The following PTPRG variants were observed in gnomAD, a reference collection of about 807,000 sequenced individuals.
PTPRG encodes the protein receptor-type tyrosine-protein phosphatase gamma.
In PTPRG, 102 loss-of-function variants were observed where a neutral mutation model predicts 165.3. The ratio of observed to expected loss-of-function variants is 0.62; its 90% CI spans 0.53 to 0.73. PTPRG has a LOEUF of 0.73. PTPRG is among the 30% of genes least tolerant of loss of function. PTPRG has a pLI of 0.00. For missense variants in PTPRG, 1,866 were observed against 1,861.4 expected (o/e 1.00, Z -0.05); for synonymous variants, 675 against 669.5 (o/e 1.01, Z -0.13).
rs186803635 is a variant in PTPRG, at chr3:61,786,275, T to C, written c.190+37293T>C. ...TTTAGCTTCTAAAAAATTCATTTTA[T>C]TCTTCTTCTTTGATTATTCCTAGCT... On this transcript the variant is annotated intron_variant, in intron 2 of 29. Transcript: ENST00000474889. Among the ~76,000 whole-genome samples, 323 of 152,328 alleles carry C rather than the reference T, an allele frequency of 2.1e-3. 1 individual carries two copies. The highest frequency in any genetic ancestry group is 7.3e-3 in the African/African-American group (303 of 41,578).
rs532356516 is a variant in PTPRG, at chr3:61,866,582, C to CTTTTTTTTTTTTTTTTTTTTTTTTTTTT, written c.190+117609_190+117636dup. 2.9e-5 allele frequency among the ~76,000 whole-genome samples: 2 copies of CTTTTTTTTTTTTTTTTTTTTTTTTTTTT among 69,068 alleles called. 1 individual carries two copies. Among genetic ancestry groups the CTTTTTTTTTTTTTTTTTTTTTTTTTTTT allele is most frequent in the Non-Finnish European group, 6.0e-5 (2 of 33,142 alleles). The allele number at this position is 69,068 out of a possible 152,430, so 45.3% of individuals were successfully genotyped here. ...TTCCCTGGCTTTGGAACTGTTTGCT[C>CTTTTTTTTTTTTTTTTTTTTTTTTTTTT]TTTTTTTTTTTTTTTTTTTTTTTTT... is the stretch of plus-strand genomic sequence containing the variant. On this transcript the variant is annotated intron_variant, in intron 2 of 29. Coordinates refer to ENST00000474889, the MANE Select transcript of PTPRG (RefSeq NM_002841.4).
intron 14 of PTPRG, among the ~76,000 whole-genome samples, chr3:62,239,677 T>C (rs983986553): frequency 6.6e-6 from 1 of 152,158 alleles, no homozygotes; most frequent in Non-Finnish European, 1.5e-5. Context: ...TGAGAAATTC[T>C]ATCTCCATTC....
intron 1 of PTPRG, among the ~76,000 whole-genome samples, chr3:61,621,045 A>ATG (rs1414471842): frequency 2.6e-5 from 2 of 77,464 alleles, no homozygotes; most frequent in Non-Finnish European, 5.8e-5. Flanking sequence ...ATATATATAT[A>ATG]TATATATGTG....
rs369988162 is a variant in PTPRG, at chr3:61,724,729, T to G, written c.86-24149T>G. Among the ~76,000 whole-genome samples, 9 of 152,246 alleles carry G rather than the reference T, an allele frequency of 5.9e-5. No homozygotes were observed. The East Asian group carries it at 9.6e-4, about 16-fold the overall frequency. On this transcript the variant is annotated intron_variant, in intron 1 of 29. Coordinates refer to ENST00000474889, the MANE Select transcript of PTPRG (RefSeq NM_002841.4). ...ATCTCAGTGTGGTCCCAATTTTCAT[T>G]TTCCTGGTGGCTAATGATACCGAAT... is the stretch of plus-strand genomic sequence containing the variant.
intron 6 of PTPRG, 87 bp downstream of exon 6, chr3:62,132,755 A>T (rs1257135875): frequency 1.7e-6 from 2 of 1,181,222 alleles, no homozygotes; most frequent in Admixed American, 1.7e-5. Flanking sequence ...TGCAGAGGAC[A>T]GAGGGTGACA....
chr3:61,562,428 G>A, intron 1 of PTPRG, 56 bp downstream of exon 1: 3 of 1,566,040 alleles, frequency 1.9e-6, no homozygotes, highest in Non-Finnish European at 2.6e-6. Context: ...TGGGGATGCG[G>A]AGTTGTCGCC....
rs34396141 is a variant in PTPRG, at chr3:61,638,591, GTTTTTTTT to G, written c.85+76239_85+76246del. ...AGGCACACACCACCATGCCTGGCTA[GTTTTTTTT>G]TTTTTTTTTTTTTTTTTTTGGGGTA... On this transcript the variant is annotated intron_variant, in intron 1 of 29. Coordinates refer to ENST00000474889, the MANE Select transcript of PTPRG (RefSeq NM_002841.4). Among the ~76,000 whole-genome samples the G allele has an allele frequency of 8.5e-5, 5 of 58,716 alleles. No homozygotes were observed. In the East Asian group the frequency reaches 2.4e-3, roughly 28 times the overall value. 38.5% of individuals were successfully genotyped at this position (58,716 alleles called of 152,430 possible).
chr3:61,980,833 T>C lies in PTPRG; in HGVS notation c.191-8792T>C, dbSNP rs189235008. Among the ~76,000 whole-genome samples, 27 of 152,320 alleles carry C rather than the reference T, an allele frequency of 1.8e-4. No homozygotes were observed. The East Asian group carries it at 5.0e-3, about 28-fold the overall frequency. On this transcript the variant is annotated intron_variant, in intron 2 of 29. Coordinates refer to ENST00000474889, the MANE Select transcript of PTPRG (RefSeq NM_002841.4). ...CTTTTCAGCTTTGGCCTTCAGCTGC[T>C]TCCCTCCTGATTGCAGGTCATTCTG...
At chr3:61,989,218 T>C (rs993953044) in intron 2 of PTPRG, among the ~76,000 whole-genome samples, 3 of 152,212 alleles carry the variant, frequency 2.0e-5, no homozygotes, top group Middle Eastern at 3.2e-3. Flanking sequence ...TTTTATGGGC[T>C]AAGAAGAAAG....
intron 5 of PTPRG, among the ~76,000 whole-genome samples, chr3:62,129,946 T>C (rs906440073): frequency 2.6e-5 from 4 of 152,226 alleles, no homozygotes; most frequent in African/African-American, 4.8e-5. Context: ...AAGCCAGATA[T>C]ATTGTTTCAA....
chr3:61,747,919 TTG>T (rs1158838173), intron 1 of PTPRG, among the ~76,000 whole-genome samples: 1 of 152,176 alleles, frequency 6.6e-6, no homozygotes, highest in East Asian at 1.9e-4. Context: ...CCTGTGACAT[TTG>T]TCTTCTTATA....
chr3:61,595,374 T>G (rs959936866), intron 1 of PTPRG, among the ~76,000 whole-genome samples: 1 of 152,160 alleles, frequency 6.6e-6, no homozygotes, highest in Non-Finnish European at 1.5e-5. Flanking sequence ...GAAGTAAGAC[T>G]CTGGGGACTC....
At chr3:62,179,230 C>T (rs891630478) in intron 8 of PTPRG, among the ~76,000 whole-genome samples, 4 of 152,120 alleles carry the variant, frequency 2.6e-5, no homozygotes, top group African/African-American at 9.7e-5. Context: ...AGAGGGAGCC[C>T]CATGTGGTGT....
At chr3:62,134,229 T>C (rs1339644151) in intron 6 of PTPRG, among the ~76,000 whole-genome samples, 1 of 152,186 alleles carries the variant, frequency 6.6e-6, no homozygotes, top group Non-Finnish European at 1.5e-5. Flanking sequence ...GGGTGTGGTT[T>C]CAACCCTACC....
At chr3:62,181,541 A>T (rs1330454650) in intron 8 of PTPRG, among the ~76,000 whole-genome samples, 4 of 152,182 alleles carry the variant, frequency 2.6e-5, no homozygotes, top group African/African-American at 9.6e-5. Flanking sequence ...AGTTTAGGTC[A>T]GGGTTCCTTA....
At chr3:61,732,368 G>A (rs1355160053) in intron 1 of PTPRG, among the ~76,000 whole-genome samples, 1 of 152,094 alleles carries the variant, frequency 6.6e-6, no homozygotes, top group African/African-American at 2.4e-5. Flanking sequence ...ACGAGGTCAG[G>A]AGATTGAGAC....
At chr3:61,742,806 C>T in intron 1 of PTPRG, 2 of 1,607,342 alleles carry the variant, frequency 1.2e-6, no homozygotes, top group Non-Finnish European at 1.7e-6. Flanking sequence ...TGGCCAGCTT[C>T]TTGACCAGTT....
Position 61,562,430 on chromosome 3 carries a change from G to A in PTPRG, c.85+58G>A. On this transcript the variant is annotated intron_variant, in intron 1 of 29. Transcript: ENST00000474889. ...GGCCGGCGCGCGTTGGGGATGCGGA[G>A]TTGTCGCCTGGGCGCGGAGCTCCGG... 4 of 1,554,296 alleles carry A rather than the reference G, an allele frequency of 2.6e-6. No homozygotes were observed. The African/African-American group carries it at 4.1e-5, about 16-fold the overall frequency.
chr3:62,021,137 T>A (rs2041680109), intron 4 of PTPRG, among the ~76,000 whole-genome samples: 1 of 149,302 alleles, frequency 6.7e-6, no homozygotes. Flanking sequence ...TGATAAGAGT[T>A]TTTGTGGGAA....
Sources: gnomAD v4.1 joint callset for allele counts (sites outside exome capture counted in the v4.1 genomes callset) on GRCh38, gnomAD v4.1.1 for gene constraint, MANE v1.5 for transcripts, NCBI Gene and HGNC (gene_info 2026-07-23, HGNC 2026-07-21) for gene names.